The following BCL9L variants were observed in gnomAD, a reference collection of about 807,000 sequenced individuals.
BCL9L encodes BCL9 like, also known as B-cell CLL/lymphoma 9-like protein.
A neutral mutation model predicts 99.4 loss-of-function variants in BCL9L; 19 were observed. The observed-to-expected ratio is 0.19, with a 90% CI of 0.13 to 0.28. BCL9L has a LOEUF of 0.28. Ranked by LOEUF, BCL9L falls within the 10% of genes least tolerant of loss-of-function variation. The pLI, the probability that BCL9L is intolerant of heterozygous loss-of-function variation, is 1.00. For synonymous variants in BCL9L, 900 were observed against 854.8 expected (o/e 1.05, Z -0.92); for missense variants, 2,023 against 2,101.6 (o/e 0.96, Z 0.73).
rs892867242 is a variant in BCL9L at position 118,914,192 on chromosome 11, C to T, written c.-76-4177G>A. The stretch of plus-strand genomic sequence containing the variant: ...ACAGGCAGAGATGGGCAAGGCAGCT[C>T]CCTGTGGGCCCTCACCTGGCCTCAG... On this transcript the variant is annotated intron_variant, in intron 2 of 9. Transcript: ENST00000683865. This position sits in a 1 kb window ranked among gnomAD's most constrained non-coding sequence, Gnocchi z 4.4. Among the ~76,000 whole-genome samples the T allele has an allele frequency of 6.6e-6, 1 of 152,192 alleles. No homozygotes were observed. Among genetic ancestry groups the T allele is most frequent in the African/African-American group, 2.4e-5 (1 of 41,446 alleles).
chr11:118,916,849 C>T (rs1164668749), intron 2 of BCL9L, among the ~76,000 whole-genome samples: 1 of 152,242 alleles, frequency 6.6e-6, no homozygotes, highest in Non-Finnish European at 1.5e-5. Flanking sequence ...CTCCCCAAGC[C>T]AGGTCCCTGA....
chr11:118,899,941 G>C lies in BCL9L; in HGVS notation c.3382C>G (p.Pro1128Ala). The change falls in exon 9 of 10, where the codon CCA (proline) becomes GCA (alanine). Residue 1128 changes from proline (P) to alanine (A), a missense_variant. Pro to Ala is a conservative substitution (Grantham distance 27). Coordinates refer to ENST00000683865, the MANE Select transcript of BCL9L (RefSeq NM_001378213.1). ...LPDRPLLPPP[P>A]PPQGSGPGIS... ...CCTGGCCCGGAGCCCTGCGGTGGTG[G>C]TGGGGGGGGCAGCAGGGGCCGGTCG... 1 of 1,613,358 alleles carries C rather than the reference G, an allele frequency of 6.2e-7. No individual in the cohort carries two copies. The highest frequency in any genetic ancestry group is 1.1e-5 in the South Asian group (1 of 91,054).
intron 4 of BCL9L, 55 bp downstream of exon 4, chr11:118,908,215 C>A (rs1340560879): frequency 2.0e-6 from 3 of 1,509,186 alleles, no homozygotes; most frequent in Non-Finnish European, 2.7e-6. Context: ...CCCAGAACAT[C>A]TGAGCCTTGG....
chr11:118,904,441 AAAAT>A (rs755364762), intron 5 of BCL9L, among the ~76,000 whole-genome samples: 1 of 152,204 alleles, frequency 6.6e-6, no homozygotes, highest in African/African-American at 2.4e-5. Flanking sequence ...CTGTCTCAAA[AAAAT>A]AAATAAATAA....
At position 118,902,381 on chromosome 11, in the gene BCL9L, T is replaced by C. The variant is rs1296582632; in HGVS notation, c.1362A>G (p.Pro454=). ...PAQAPPPPQQ[P]PTAPPSGLKK... ...TCAGCCCGCTGGGAGGGGCCGTGGG[T>C]GGCTGCTGGGGGGGAGGGGGGGCTT... Residue 454 remains proline (P), a synonymous_variant, in exon 8 of 10, where the codon CCA becomes CCG. Transcript: ENST00000683865. This position sits in a 1 kb window ranked among gnomAD's most constrained non-coding sequence, Gnocchi z 7.8. 6 of 758,092 alleles carry C rather than the reference T, an allele frequency of 7.9e-6. No homozygotes were observed. In the African/African-American group the frequency reaches 1.3e-4, roughly 17 times the overall value. 47.0% of individuals were successfully genotyped at this position (758,092 alleles called of 1,614,324 possible). A position where few individuals can be genotyped will look rare whatever the true frequency, so the allele number is the denominator to read the frequency against.
Position 118,901,933 on chromosome 11 carries a change from G to C in BCL9L, c.1810C>G (p.Pro604Ala), listed in dbSNP as rs1334479035. 1.2e-6 allele frequency: 2 copies of C among 1,613,198 alleles called. No individual in the cohort carries two copies. Among genetic ancestry groups the C allele is most frequent in the East Asian group, 2.2e-5 (1 of 44,868 alleles). Residue 604 changes from proline (P) to alanine (A), a missense_variant, in exon 8 of 10, where the codon CCA (proline) becomes GCA (alanine). Coordinates refer to ENST00000683865, the MANE Select transcript of BCL9L (RefSeq NM_001378213.1). This position sits in a 1 kb window ranked among gnomAD's most constrained non-coding sequence, Gnocchi z 6.6. ...GGTACCCGTTGTATCTGGTTGCCTGGGAAACGGGGCCCAGGAAAGGGAGGT... is the reference window on the plus strand; with the variant it reads ...GGTACCCGTTGTATCTGGTTGCCTGCGAAACGGGGCCCAGGAAAGGGAGGT... The part of the protein sequence containing the change: ...GGPPFPGPRF[P>A]GNQIQRVPGF...
rs756712665 is a variant in BCL9L, at chr11:118,900,575, CGCCT to C, written c.3124+40_3124+43del. On this transcript the variant is annotated intron_variant, in intron 8 of 9. Coordinates refer to ENST00000683865, the MANE Select transcript of BCL9L (RefSeq NM_001378213.1). The surrounding 1 kb of genome is among the most constrained non-coding windows in gnomAD (Gnocchi z 5.3). ...GCCCCAGCATGGACACACTGCTCAGCGCCTGCCTGCCTGCCTGCCTGCCTGCCTG... is the reference window on the plus strand; with the variant it reads ...GCCCCAGCATGGACACACTGCTCAGCGCCTGCCTGCCTGCCTGCCTGCCTG... The C allele has an allele frequency of 2.4e-3, 3,669 of 1,552,762 alleles. 11 individuals carry two copies. The highest frequency in any genetic ancestry group is 2.6e-3 in the Admixed American group (148 of 56,986).
In BCL9L at chr11:118,900,899, G is replaced by C. The variant is rs146906683; in HGVS notation, c.2844C>G (p.Pro948=). The stretch of plus-strand genomic sequence containing the variant: ...TCTGGGGTGACTTGAGGTTGGCAGA[G>C]GGCGAGGTGACCAGGGGTGAGTGCA... ...SQVHSPLVTS[P]SANLKSPQTP... Residue 948 remains proline (P), a synonymous_variant, in exon 8 of 10, where the codon CCC becomes CCG. Transcript: ENST00000683865. The surrounding 1 kb of genome is among the most constrained non-coding windows in gnomAD (Gnocchi z 5.3). The C allele has an allele frequency of 1.3e-6, 2 of 1,593,816 alleles. No homozygotes were observed. Among genetic ancestry groups the C allele is most frequent in the Non-Finnish European group, 1.7e-6 (2 of 1,167,632 alleles).
chr11:118,898,145 G>T lies in BCL9L; in HGVS notation c.*270C>A. ...TGCACGGAAAGAGGTAAAATAGAGAGGCTCCATAGGAATTGGGAGGAGTGG... is the reference window on the plus strand; with the variant it reads ...TGCACGGAAAGAGGTAAAATAGAGATGCTCCATAGGAATTGGGAGGAGTGG... On this transcript the variant is annotated 3_prime_UTR_variant, in exon 10 of 10. Coordinates refer to ENST00000683865, the MANE Select transcript of BCL9L (RefSeq NM_001378213.1). 3.5e-6 allele frequency: 2 copies of T among 578,314 alleles called. No individual in the cohort carries two copies. Among genetic ancestry groups the T allele is most frequent in the Non-Finnish European group, 6.2e-6 (2 of 324,468 alleles). 35.8% of individuals were successfully genotyped at this position (578,314 alleles called of 1,614,324 possible).
Position 118,921,376 on chromosome 11 carries a change from C to T in BCL9L, c.-130-2497G>A, listed in dbSNP as rs757810692. 3.3e-5 allele frequency among the ~76,000 whole-genome samples: 5 copies of T among 152,190 alleles called. No homozygotes were observed. Among genetic ancestry groups the T allele is most frequent in the Non-Finnish European group, 5.9e-5 (4 of 68,036 alleles). On this transcript the variant is annotated intron_variant, in intron 1 of 9. Transcript: ENST00000683865. This position sits in a 1 kb window ranked among gnomAD's most constrained non-coding sequence, Gnocchi z 5.4. ...TGTGAAGTCGGATTAGAAGGCAATG[C>T]TCTGGGGAGGAGGGGAGCCTGCAGG...
chr11:118,904,824 C>T (rs542363596), intron 5 of BCL9L, among the ~76,000 whole-genome samples: 35 of 152,250 alleles, frequency 2.3e-4, no homozygotes, highest in African/African-American at 8.2e-4. Context: ...ATGGACCCAC[C>T]CCAAAACGGC....
chr11:118,908,717 C>T, intron 3 of BCL9L, 62 bp from the exon 4 acceptor site: 3 of 1,454,950 alleles, frequency 2.1e-6, no homozygotes, highest in Admixed American at 2.0e-5. Flanking sequence ...ATGCCTGCAA[C>T]TTAATTACCC....
rs1174645383 is a variant in BCL9L, at chr11:118,902,669, A to G, written c.1074T>C (p.Ala358=). The part of the protein sequence containing the change: ...TGGTHPNTPT[A]TTANNPLPPG... Reference sequence around the variant, plus strand: ...GAGGCAGAGGGTTGTTGGCGGTGGTAGCCGTCGGGGTGTTAGGGTGGGTGC... The same window carrying G: ...GAGGCAGAGGGTTGTTGGCGGTGGTGGCCGTCGGGGTGTTAGGGTGGGTGC... The change falls in exon 8 of 10, where the codon GCT becomes GCC. Residue 358 remains alanine, a synonymous_variant. Coordinates refer to ENST00000683865, the MANE Select transcript of BCL9L (RefSeq NM_001378213.1). The surrounding 1 kb of genome is among the most constrained non-coding windows in gnomAD (Gnocchi z 7.8). 6.3e-7 allele frequency: 1 copy of G among 1,598,928 alleles called. No individual in the cohort carries two copies. The highest frequency in any genetic ancestry group is 1.7e-5 in the Admixed American group (1 of 59,952).
rs560275520 is a variant in BCL9L at position 118,921,558 on chromosome 11, G to C, written c.-130-2679C>G. Among the ~76,000 whole-genome samples, 1 of 152,264 alleles carries C rather than the reference G, an allele frequency of 6.6e-6. No homozygotes were observed. Among genetic ancestry groups the C allele is most frequent in the South Asian group, 2.1e-4 (1 of 4,828 alleles). ...GCCCAGGGCTACCAGTCCATTGGAG[G>C]AGGAACGGGAACGGACAGAGGGAGT... On this transcript the variant is annotated intron_variant, in intron 1 of 9. Coordinates refer to ENST00000683865, the MANE Select transcript of BCL9L (RefSeq NM_001378213.1). This position sits in a 1 kb window ranked among gnomAD's most constrained non-coding sequence, Gnocchi z 5.4.
rs750273718 is a variant in BCL9L, at chr11:118,901,935, A to C, written c.1808T>G (p.Phe603Cys). ...RGGPPFPGPR[F>C]PGNQIQRVPG... Reference sequence around the variant, plus strand: ...TACCCGTTGTATCTGGTTGCCTGGGAAACGGGGCCCAGGAAAGGGAGGTCC... The same window carrying C: ...TACCCGTTGTATCTGGTTGCCTGGGCAACGGGGCCCAGGAAAGGGAGGTCC... The change falls in exon 8 of 10, where the codon TTC becomes TGC. Residue 603 changes from phenylalanine (F) to cysteine (C), a missense_variant. Around this residue, in one of 3 missense-constraint regions of BCL9L, gnomAD observed 1,116 missense variants for 1,194.6 expected, o/e 0.93. Transcript: ENST00000683865. The surrounding 1 kb of genome is among the most constrained non-coding windows in gnomAD (Gnocchi z 6.6). 1.9e-6 allele frequency: 3 copies of C among 1,613,294 alleles called. No individual in the cohort carries two copies.
Position 118,902,423 on chromosome 11 carries a change from C to A in BCL9L, c.1320G>T (p.Glu440Asp). The change falls in exon 8 of 10, where the codon GAG becomes GAT. Residue 440 changes from glutamate (E) to aspartate (D), a missense_variant. This residue lies in a region of BCL9L where 1,116 missense variants were observed against 1,194.6 expected (regional missense o/e 0.93). Transcript: ENST00000683865. The surrounding 1 kb of genome is among the most constrained non-coding windows in gnomAD (Gnocchi z 7.8). ...GGGGGGCTTGTGCTGGTGGGCCCCC[C>A]TCACCCGCTCCTCCTGGGGGCCCCT... ...FLKGPPGGAG[E>D]GGPPAQAPPP... The A allele has an allele frequency of 6.3e-7, 1 of 1,584,702 alleles. No homozygotes were observed. The highest frequency in any genetic ancestry group is 1.2e-5 in the South Asian group (1 of 86,662).
At chr11:118,911,379 G>A (rs944926354) in intron 2 of BCL9L, 13 of 431,424 alleles carry the variant, frequency 3.0e-5, no homozygotes, top group Non-Finnish European at 5.2e-5. Context: ...CACCCTGCGG[G>A]AGTCTAACCC....
chr11:118,923,787 A>G (rs1028360326), intron 1 of BCL9L, among the ~76,000 whole-genome samples: 1 of 152,196 alleles, frequency 6.6e-6, no homozygotes, highest in Admixed American at 6.5e-5. Context: ...CTGGCTCTCC[A>G]AGGCCAAGGA....
intron 1 of BCL9L, among the ~76,000 whole-genome samples, chr11:118,924,521 CCT>C (rs1941232033): frequency 6.6e-6 from 1 of 152,024 alleles, no homozygotes; most frequent in African/African-American, 2.4e-5. Flanking sequence ...AGAGAGCAGC[CCT>C]CTGTCTCTTC....
Sources: gnomAD v4.1 joint callset for allele counts (sites outside exome capture counted in the v4.1 genomes callset) on GRCh38, gnomAD v4.1.1 for gene constraint, gnomAD v4.1.1 regional missense constraint, Gnocchi (gnomAD v3.1) non-coding constraint, MANE v1.5 for transcripts, NCBI Gene and HGNC (gene_info 2026-07-23, HGNC 2026-07-21) for gene names.